The following ITPR1 variants were observed in gnomAD, a reference collection of about 807,000 sequenced individuals.
ITPR1 encodes inositol 1,4,5-trisphosphate receptor type 1, also known as inositol 1,4,5-trisphosphate-gated calcium channel ITPR1.
ITPR1 carries 96 observed loss-of-function variants against 318.4 expected under a neutral mutation model. That is an observed-to-expected ratio of 0.30 (90% CI 0.26 to 0.36). The LOEUF (loss-of-function observed/expected upper bound fraction) is 0.36, where lower values mean the gene tolerates loss of function less well. Ranked by LOEUF, ITPR1 falls within the 10% of genes least tolerant of loss-of-function variation. ITPR1 has a pLI of 1.00. For missense variants in ITPR1, 2,440 were observed against 3,460.2 expected (o/e 0.71, Z 7.40); for synonymous variants, 1,312 against 1,289.9 (o/e 1.02, Z -0.37).
chr3:4,693,617 A>T lies in ITPR1; in HGVS notation c.4157A>T (p.His1386Leu), dbSNP rs1172066127. Residue 1386 changes from histidine (H) to leucine (L), a missense_variant, in exon 33 of 62, where the codon CAC (histidine) becomes CTC (leucine). Coordinates refer to ENST00000649015, the MANE Select transcript of ITPR1 (RefSeq NM_001378452.1). ...DENSPLMYHI[H>L]LVELLAVCTE... ...AACAGCCCTCTCATGTACCACATCC[A>T]CTTGGTCGAGCTCCTGGCTGTGTGC... 6 of 1,614,052 alleles carry T rather than the reference A, an allele frequency of 3.7e-6. No individual in the cohort carries two copies. The highest frequency in any genetic ancestry group is 5.1e-6 in the Non-Finnish European group (6 of 1,179,892).
chr3:4,590,174 C>CTTTTTTTTTTT (rs10713337), intron 4 of ITPR1, among the ~76,000 whole-genome samples: 3 of 87,432 alleles, frequency 3.4e-5, no homozygotes, highest in Admixed American at 1.3e-4. Flanking sequence ...CTTCGTCTTG[C>CTTTTTTTTTTT]TTTTTTTTTT....
In ITPR1 at chr3:4,670,888, A is replaced by T. The variant is rs777315863; in HGVS notation, c.2166A>T (p.Glu722Asp). Residue 722 changes from glutamate to aspartate, a missense_variant, in exon 20 of 62, where the codon GAA (glutamate) becomes GAT (aspartate). Physicochemically the swap from Glu to Asp is conservative, Grantham distance 45. Coordinates refer to ENST00000649015, the MANE Select transcript of ITPR1 (RefSeq NM_001378452.1). The part of the protein sequence containing the change: ...SVRELAQDAK[E>D]GQKEDRDVLS... Reference sequence around the variant, plus strand: ...GGGAATTGGCTCAGGATGCTAAAGAAGGGCAGAAGGAGGACCGAGACGTTC... The same window carrying T: ...GGGAATTGGCTCAGGATGCTAAAGATGGGCAGAAGGAGGACCGAGACGTTC... The T allele has an allele frequency of 1.9e-6, 3 of 1,603,640 alleles. No individual in the cohort carries two copies.
At chr3:4,581,088 C>T (rs1205821933) in intron 4 of ITPR1, among the ~76,000 whole-genome samples, 2 of 152,126 alleles carry the variant, frequency 1.3e-5, no homozygotes, top group African/African-American at 2.4e-5. Context: ...CTTAAAATAC[C>T]GCTTGTTTCA....
chr3:4,738,097 A>C (rs764613205), intron 44 of ITPR1, among the ~76,000 whole-genome samples: 3 of 152,194 alleles, frequency 2.0e-5, no homozygotes, highest in Admixed American at 6.5e-5. Flanking sequence ...GGATGGAAAA[A>C]TAACTAATGG....
At chr3:4,707,322 C>T (rs953837775) in intron 37 of ITPR1, among the ~76,000 whole-genome samples, 6 of 152,146 alleles carry the variant, frequency 3.9e-5, no homozygotes, top group South Asian at 2.1e-4. Flanking sequence ...ATAGTGACTG[C>T]GGTTGGACTC....
intron 44 of ITPR1, among the ~76,000 whole-genome samples, chr3:4,743,255 CTG>C (rs569716480): frequency 1.3e-5 from 2 of 152,356 alleles, no homozygotes; most frequent in African/African-American, 4.8e-5. Flanking sequence ...GGAAACTGGA[CTG>C]TTATTGAACA....
intron 1 of ITPR1, among the ~76,000 whole-genome samples, chr3:4,493,886 C>CTTT (rs71301158): frequency 7.9e-4 from 99 of 125,582 alleles, no homozygotes; most frequent in African/African-American, 2.4e-3. Flanking sequence ...GGAAATAGTT[C>CTTT]TTTTTTTTTT....
chr3:4,594,336 C>T (rs1244707644), intron 4 of ITPR1, among the ~76,000 whole-genome samples: 1 of 152,182 alleles, frequency 6.6e-6, no homozygotes, highest in Non-Finnish European at 1.5e-5. Flanking sequence ...TCCCCCTTCC[C>T]TGTCTTGCTT....
intron 4 of ITPR1, among the ~76,000 whole-genome samples, chr3:4,523,145 A>C (rs998773525): frequency 3.3e-5 from 5 of 152,146 alleles, no homozygotes; most frequent in African/African-American, 7.2e-5. Context: ...GACCAAGGGG[A>C]GGGATATGCG....
chr3:4,693,410 C>T, intron 32 of ITPR1, 80 bp from the exon 33 acceptor site: 1 of 1,490,178 alleles, frequency 6.7e-7, no homozygotes, highest in Non-Finnish European at 9.2e-7. Flanking sequence ...GAACCTCTCT[C>T]TTCCTCTGTG....
At chr3:4,733,587 C>CTGGG (rs2043079343) in intron 43 of ITPR1, among the ~76,000 whole-genome samples, 1 of 152,160 alleles carries the variant, frequency 6.6e-6, no homozygotes, top group Non-Finnish European at 1.5e-5. Context: ...ATAGTGAAAG[C>CTGGG]TGCCATTTAT....
At position 4,644,169 on chromosome 3, in the gene ITPR1, G is replaced by A. The variant is rs370705612; in HGVS notation, c.559G>A (p.Val187Ile). 6 of 1,611,756 alleles carry A rather than the reference G, an allele frequency of 3.7e-6. No homozygotes were observed. Among genetic ancestry groups the A allele is most frequent in the South Asian group, 1.1e-5 (1 of 90,332 alleles). The change falls in exon 8 of 62, where the codon GTC (valine) becomes ATC (isoleucine). Residue 187 changes from valine to isoleucine, a missense_variant. By Grantham distance (29) the Val-to-Ile change is conservative. Around this residue, in one of 23 missense-constraint regions of ITPR1, gnomAD observed 186 missense variants for 323.9 expected, o/e 0.57. Transcript: ENST00000649015. Reference protein sequence around the residue: ...VIGDKVVLNPVNAGQPLHASS... With the variant: ...VIGDKVVLNPINAGQPLHASS... ...AGGTGACAAGGTGGTTCTGAACCCC[G>A]TCAATGCTGGTCAGCCCCTACATGC...
At chr3:4,811,606 C>T (rs2048944413) in intron 56 of ITPR1, 146 bp downstream of exon 56, 2 of 640,966 alleles carry the variant, frequency 3.1e-6, no homozygotes, top group Non-Finnish European at 5.3e-6. Flanking sequence ...AAATACAGGT[C>T]TTCATTCTCA....
intron 42 of ITPR1, 107 bp downstream of exon 42, chr3:4,727,280 T>G (rs940080454): frequency 1.3e-6 from 1 of 778,840 alleles, no homozygotes; most frequent in Non-Finnish European, 2.0e-6. Flanking sequence ...TTGATATTGT[T>G]AAAGCATTAA....
At chr3:4,508,622 C>T (rs2081570583) in intron 2 of ITPR1, among the ~76,000 whole-genome samples, 1 of 152,000 alleles carries the variant, frequency 6.6e-6, no homozygotes, top group Admixed American at 6.6e-5. Context: ...CCAAACCTAT[C>T]TTGAGCTGCT....
At chr3:4,566,336 T>A (rs1156587076) in intron 4 of ITPR1, among the ~76,000 whole-genome samples, 4 of 152,182 alleles carry the variant, frequency 2.6e-5, no homozygotes, top group Non-Finnish European at 5.9e-5. Context: ...TCTGACTTTA[T>A]GTATGAGTAG....
chr3:4,729,499 A>C (rs1017224975), intron 42 of ITPR1, among the ~76,000 whole-genome samples: 5 of 152,196 alleles, frequency 3.3e-5, no homozygotes, highest in African/African-American at 1.2e-4. Flanking sequence ...CCTGAAGCAC[A>C]TGATTTTTAA....
intron 24 of ITPR1, among the ~76,000 whole-genome samples, chr3:4,679,853 A>ATCTCCCTCTGGAAGAGGTGATGGCC (rs1451553780): frequency 2.0e-5 from 3 of 152,178 alleles, no homozygotes; most frequent in Non-Finnish European, 2.9e-5. Context: ...CCAGAGACCT[A>ATCTCCCTCTGGAAGAGGTGATGGCC]TCTCCCTCTG....
chr3:4,566,213 G>T (rs902187359), intron 4 of ITPR1, among the ~76,000 whole-genome samples: 3 of 152,186 alleles, frequency 2.0e-5, no homozygotes, highest in African/African-American at 7.2e-5. Flanking sequence ...CTGAACCTCA[G>T]ATTTTTCCAG....
Sources: gnomAD v4.1 joint callset for allele counts (sites outside exome capture counted in the v4.1 genomes callset) on GRCh38, gnomAD v4.1.1 for gene constraint, gnomAD v4.1.1 regional missense constraint, MANE v1.5 for transcripts, NCBI Gene and HGNC (gene_info 2026-07-23, HGNC 2026-07-21) for gene names.